Variants in GALNTL5 observed in about 807,000 individuals in gnomAD.
GALNTL5 encodes the protein polypeptide N-acetylgalactosaminyltransferase like 5, also known as inactive polypeptide N-acetylgalactosaminyltransferase-like protein 5.
GALNTL5 carries 44 observed loss-of-function variants against 51.0 expected under a neutral mutation model. That is an observed-to-expected ratio of 0.86 (90% CI 0.68 to 1.11). The LOEUF (loss-of-function observed/expected upper bound fraction) is 1.11. Among genes scored for constraint, GALNTL5 ranks in the 50% least tolerant of loss-of-function variants. GALNTL5 has a pLI of 0.00. For missense variants in GALNTL5, 528 were observed against 531.8 expected (o/e 0.99, Z 0.07); for synonymous variants, 192 against 182.8 (o/e 1.05, Z -0.41).
chr7:152,010,498 C>T (rs2081717616), intron 7 of GALNTL5, among the ~76,000 whole-genome samples: 1 of 152,102 alleles, frequency 6.6e-6, no homozygotes, highest in Non-Finnish European at 1.5e-5. Context: ...CCAGGTGCGG[C>T]AGCTCACACC....
intron 5 of GALNTL5, among the ~76,000 whole-genome samples, chr7:152,001,282 G>A (rs553689602): frequency 5.5e-4 from 83 of 151,192 alleles, no homozygotes; most frequent in Admixed American, 1.8e-3. Flanking sequence ...GAATTCCAAC[G>A]TATATGTTTT....
chr7:152,018,124 A>G (rs575349706), intron 8 of GALNTL5, among the ~76,000 whole-genome samples: 1 of 152,324 alleles, frequency 6.6e-6, no homozygotes, highest in Non-Finnish European at 1.5e-5. Context: ...GATTACAGGC[A>G]TAAGCCACCA....
In GALNTL5 at chr7:152,003,023, A is replaced by G. The variant is rs189735042; in HGVS notation, c.908+60A>G. The G allele has an allele frequency of 2.7e-4, 387 of 1,446,916 alleles. 3 individuals are homozygous for G. In the African/African-American group the frequency reaches 5.0e-3, roughly 19 times the overall value. The allele number at this position is 1,446,916 out of a possible 1,614,324, so 89.6% of individuals were successfully genotyped here. A position where few individuals can be genotyped will look rare whatever the true frequency, so the allele number is the denominator to read the frequency against. On this transcript the variant is annotated intron_variant, in intron 6 of 8. Transcript: ENST00000392800. ...TACGTGTATTGAGACCCAGGGGGAA[A>G]AAGCCTCCAGAGATTATTCTTTCAA...
At chr7:151,978,683 G>A (rs2081236208) in intron 3 of GALNTL5, among the ~76,000 whole-genome samples, 1 of 152,180 alleles carries the variant, frequency 6.6e-6, no homozygotes. Context: ...GTTGTTGGCA[G>A]GATTGCTCGC....
chr7:151,980,055 C>G (rs1211762632), intron 3 of GALNTL5, among the ~76,000 whole-genome samples: 3 of 139,510 alleles, frequency 2.2e-5, no homozygotes, highest in Non-Finnish European at 4.4e-5. Flanking sequence ...CTCTTTCTCT[C>G]CTACTTTCTG....
chr7:151,969,750 T>G (rs1198430835), intron 2 of GALNTL5, among the ~76,000 whole-genome samples: 1 of 152,184 alleles, frequency 6.6e-6, no homozygotes, highest in Non-Finnish European at 1.5e-5. Flanking sequence ...TGCACTTAGC[T>G]GATAAGAAAG....
chr7:151,972,340 T>G (rs1043829917), intron 3 of GALNTL5, among the ~76,000 whole-genome samples: 1 of 152,184 alleles, frequency 6.6e-6, no homozygotes, highest in Admixed American at 6.5e-5. Context: ...AACTTTGAAC[T>G]TGAGGTTTGG....
chr7:152,000,643 A>AT (rs1388786010), intron 5 of GALNTL5, among the ~76,000 whole-genome samples: 4 of 152,190 alleles, frequency 2.6e-5, no homozygotes, highest in Middle Eastern at 3.4e-3. Flanking sequence ...CCTCACTGTG[A>AT]TTTTTATTAA....
intron 6 of GALNTL5, among the ~76,000 whole-genome samples, chr7:152,007,016 C>A (rs2081653732): frequency 6.6e-6 from 1 of 152,180 alleles, no homozygotes; most frequent in African/African-American, 2.4e-5. Context: ...GATCCACCAG[C>A]CTCAGCCTCC....
chr7:152,008,945 G>C (rs1008003482), intron 7 of GALNTL5, among the ~76,000 whole-genome samples: 2 of 152,086 alleles, frequency 1.3e-5, no homozygotes, highest in Non-Finnish European at 2.9e-5. Flanking sequence ...TATTATACAG[G>C]CAGAGTTGGA....
chr7:151,969,629 A>AGG (rs1023970206), intron 2 of GALNTL5, among the ~76,000 whole-genome samples: 1 of 152,054 alleles, frequency 6.6e-6, no homozygotes, highest in Non-Finnish European at 1.5e-5. Context: ...ATTGTTAGAC[A>AGG]GGGGCTTCAA....
At chr7:152,005,419 CCAA>C (rs1306052149) in intron 6 of GALNTL5, among the ~76,000 whole-genome samples, 92 of 152,300 alleles carry the variant, frequency 6.0e-4, no homozygotes, top group Non-Finnish European at 2.1e-4. Context: ...ACAGCTGACT[CCAA>C]CGTTTTCGGC....
At position 151,971,107 on chromosome 7, in the gene GALNTL5, A is replaced by ATAGG. The variant is rs764917060; in HGVS notation, c.368+45_368+46insGTAG. ...TTTCTCTCATTCTCTAGATAGATAG[A>ATAGG]TAGATAGATAGATAGATAGATAGAT... On this transcript the variant is annotated intron_variant, in intron 3 of 8. Coordinates refer to ENST00000392800, the MANE Select transcript of GALNTL5 (RefSeq NM_145292.4). The ATAGG allele has an allele frequency of 3.6e-5, 42 of 1,162,462 alleles. No individual in the cohort carries two copies. The African/African-American group carries it at 5.9e-4, about 16-fold the overall frequency. 72.0% of individuals were successfully genotyped at this position (1,162,462 alleles called of 1,614,324 possible).
At chr7:152,014,298 T>G (rs1373824446) in intron 7 of GALNTL5, among the ~76,000 whole-genome samples, 1 of 152,190 alleles carries the variant, frequency 6.6e-6, no homozygotes, top group African/African-American at 2.4e-5. Flanking sequence ...TGAGATGGAG[T>G]GTCGCTATGT....
intron 4 of GALNTL5, chr7:151,985,964 C>G (rs925533104): frequency 6.6e-6 from 1 of 152,284 alleles, no homozygotes; most frequent in Admixed American, 6.5e-5. Flanking sequence ...CAACCTGCCC[C>G]TGACCCAGAT....
chr7:152,005,609 G>A (rs1296599187), intron 6 of GALNTL5, among the ~76,000 whole-genome samples: 1 of 152,118 alleles, frequency 6.6e-6, no homozygotes, highest in Admixed American at 6.6e-5. Context: ...TTATGAGATG[G>A]ATGGGCCAGA....
intron 5 of GALNTL5, among the ~76,000 whole-genome samples, chr7:151,987,922 CCAA>C (rs572948250): frequency 1.1e-3 from 165 of 152,294 alleles, no homozygotes; most frequent in Admixed American, 2.0e-3. Context: ...CCACTTCCTC[CCAA>C]CCACCACCCT....
chr7:151,999,116 G>A (rs1455170027), intron 5 of GALNTL5, among the ~76,000 whole-genome samples: 1 of 152,108 alleles, frequency 6.6e-6, no homozygotes, highest in Non-Finnish European at 1.5e-5. Context: ...TCATATCAAC[G>A]GAATCATACA....
In GALNTL5 at chr7:151,983,094, C is replaced by A. The variant is rs150508704; in HGVS notation, c.477C>A (p.Asn159Lys). 5 of 1,614,020 alleles carry A rather than the reference C, an allele frequency of 3.1e-6. No individual in the cohort carries two copies. In the African/African-American group the frequency reaches 6.7e-5, roughly 22 times the overall value. The change falls in exon 4 of 9, where the codon AAC becomes AAA. Residue 159 changes from asparagine to lysine, a missense_variant. Transcript: ENST00000392800. ...TTCAGACCATGTCCAGTGTCACGAA[C>A]CTCACGCCACACTATTTTCTTGAAG... Reference protein sequence around the residue: ...ALFQTMSSVTNLTPHYFLEEI... With the variant: ...ALFQTMSSVTKLTPHYFLEEI...
Sources: gnomAD v4.1 joint callset for allele counts (sites outside exome capture counted in the v4.1 genomes callset) on GRCh38, gnomAD v4.1.1 for gene constraint, MANE v1.5 for transcripts, NCBI Gene and HGNC (gene_info 2026-07-23, HGNC 2026-07-21) for gene names.